ADAMTS18: variants seen among roughly 807,000 people sequenced by gnomAD.
ADAMTS18 encodes ADAM metallopeptidase with thrombospondin type 1 motif 18, also known as A disintegrin and metalloproteinase with thrombospondin motifs 18.
Under a neutral mutation model 165.9 loss-of-function variants are expected in ADAMTS18, and 157 were observed. The ratio of observed to expected loss-of-function variants is 0.95; its 90% CI spans 0.83 to 1.08. The LOEUF (loss-of-function observed/expected upper bound fraction) is 1.08, where lower values mean the gene tolerates loss of function less well. Ranked by LOEUF, ADAMTS18 falls within the 50% of genes least tolerant of loss-of-function variation. The pLI is 0.00. For synonymous variants in ADAMTS18, 782 were observed against 578.2 expected, an observed-to-expected ratio of 1.35 and a Z score of -5.06; for missense variants, 2,040 against 1,534.0, an observed-to-expected ratio of 1.33 and a Z score of -5.51.
intron 3 of ADAMTS18, among the ~76,000 whole-genome samples, chr16:77,375,890 C>CTTTTTCTTT (rs2056943562): frequency 6.4e-5 from 6 of 93,904 alleles, no homozygotes; most frequent in Non-Finnish European, 1.2e-4. Context: ...TCTTTCTTTC[C>CTTTTTCTTT]TTTTTTTTTT....
intron 2 of ADAMTS18, among the ~76,000 whole-genome samples, chr16:77,433,811 A>T (rs1271401998): frequency 6.6e-6 from 1 of 152,166 alleles, no homozygotes; most frequent in African/African-American, 2.4e-5. Flanking sequence ...GGAAGTTAAT[A>T]AATGTCAGAA....
At chr16:77,315,466 G>A (rs1375721266) in intron 16 of ADAMTS18, among the ~76,000 whole-genome samples, 1 of 152,214 alleles carries the variant, frequency 6.6e-6, no homozygotes, top group Non-Finnish European at 1.5e-5. Context: ...CATCCCTGTT[G>A]CCATGAATGA....
intron 2 of ADAMTS18, chr16:77,433,608 G>C (rs1156972349): frequency 6.6e-6 from 1 of 152,192 alleles, no homozygotes; most frequent in African/African-American, 2.4e-5. Flanking sequence ...CCTTCTCCAT[G>C]ACTCCATCCT....
At chr16:77,319,093 C>G (rs965165561) in intron 16 of ADAMTS18, among the ~76,000 whole-genome samples, 1 of 152,050 alleles carries the variant, frequency 6.6e-6, no homozygotes, top group Non-Finnish European at 1.5e-5. Flanking sequence ...TGTGGGGAAG[C>G]TACAAACTAC....
intron 10 of ADAMTS18, among the ~76,000 whole-genome samples, chr16:77,350,415 G>A (rs2056539195): frequency 6.6e-6 from 1 of 152,132 alleles, no homozygotes; most frequent in African/African-American, 2.4e-5. Context: ...ACATAAGGAA[G>A]AGAGTTAGAA....
intron 2 of ADAMTS18, chr16:77,433,417 G>C (rs2057762534): frequency 6.6e-6 from 1 of 152,230 alleles, no homozygotes; most frequent in African/African-American, 2.4e-5. Context: ...GATGGAAGAA[G>C]GGCAGTCAGT....
chr16:77,292,514 G>C (rs1597083387), intron 20 of ADAMTS18, among the ~76,000 whole-genome samples: 2 of 152,258 alleles, frequency 1.3e-5, no homozygotes, highest in South Asian at 2.1e-4. Flanking sequence ...ATGCTCCCTA[G>C]AAAGTCTCTT....
At chr16:77,434,388 CCTT>C (rs1567564206) in intron 2 of ADAMTS18, 27 bp downstream of exon 2, 1 of 1,553,584 alleles carries the variant, frequency 6.4e-7, no homozygotes, top group South Asian at 1.2e-5. Flanking sequence ...TGCGAAAGGC[CCTT>C]CTTGGGGATG....
Position 77,352,880 on chromosome 16 carries a change from T to A in ADAMTS18, c.1614+853A>T, listed in dbSNP as rs59199286. Among the ~76,000 whole-genome samples, 916 of 151,918 alleles carry A rather than the reference T, an allele frequency of 6.0e-3. 12 individuals are homozygous for A. Among genetic ancestry groups the A allele is most frequent in the African/African-American group, 0.021 (866 of 41,416 alleles). ...AATCCCAGCACTTGGGAGGCCGAGGTGGGAGATCACGAGGTCAGGAGATCA... is the reference window on the plus strand; with the variant it reads ...AATCCCAGCACTTGGGAGGCCGAGGAGGGAGATCACGAGGTCAGGAGATCA... On this transcript the variant is annotated intron_variant, in intron 10 of 22. Transcript: ENST00000282849.
intron 3 of ADAMTS18, among the ~76,000 whole-genome samples, chr16:77,422,520 G>C (rs1422340290): frequency 6.7e-6 from 1 of 149,132 alleles, no homozygotes; most frequent in Non-Finnish European, 1.5e-5. Context: ...GAGATGGGGA[G>C]GGAGGGAAGA....
chr16:77,314,253 A>G (rs2055838255), intron 16 of ADAMTS18, among the ~76,000 whole-genome samples: 1 of 152,076 alleles, frequency 6.6e-6, no homozygotes, highest in Non-Finnish European at 1.5e-5. Flanking sequence ...TTTTCTTAAG[A>G]GTTTCAAAAA....
At chr16:77,366,947 G>A (rs1244050460) in intron 4 of ADAMTS18, among the ~76,000 whole-genome samples, 14 of 151,910 alleles carry the variant, frequency 9.2e-5, no homozygotes, top group Middle Eastern at 3.2e-3. Context: ...TTTAAGGCTC[G>A]TGTTACATTT....
intron 6 of ADAMTS18, among the ~76,000 whole-genome samples, chr16:77,363,555 C>T (rs1323290134): frequency 6.7e-6 from 1 of 150,026 alleles, no homozygotes; most frequent in Non-Finnish European, 1.5e-5. Flanking sequence ...TTATTTAGTA[C>T]TTATGTACCA....
chr16:77,428,316 T>C (rs1280028586), intron 3 of ADAMTS18, among the ~76,000 whole-genome samples: 1 of 152,208 alleles, frequency 6.6e-6, no homozygotes, highest in Non-Finnish European at 1.5e-5. Flanking sequence ...TCATCTATGA[T>C]TCTGAATCTA....
At chr16:77,331,131 T>C (rs1428103517) in intron 12 of ADAMTS18, among the ~76,000 whole-genome samples, 1 of 152,214 alleles carries the variant, frequency 6.6e-6, no homozygotes, top group Non-Finnish European at 1.5e-5. Context: ...TGATTAATTA[T>C]TCTATTAGGC....
intron 10 of ADAMTS18, among the ~76,000 whole-genome samples, chr16:77,353,011 C>T (rs1435014586): frequency 3.3e-5 from 5 of 151,954 alleles, no homozygotes; most frequent in African/African-American, 9.7e-5. Context: ...ACCTGGGAGG[C>T]GGAGCTTGCA....
intron 16 of ADAMTS18, among the ~76,000 whole-genome samples, chr16:77,306,096 T>C (rs928498515): frequency 1.3e-5 from 2 of 152,158 alleles, no homozygotes; most frequent in African/African-American, 4.8e-5. Context: ...AGCTGTTAAA[T>C]GCACAAATTT....
intron 3 of ADAMTS18, among the ~76,000 whole-genome samples, chr16:77,413,538 G>C (rs1260599672): frequency 6.6e-6 from 1 of 152,124 alleles, no homozygotes; most frequent in Admixed American, 6.5e-5. Flanking sequence ...ATTTATTTTT[G>C]AATGCCCACT....
chr16:77,339,544 T>C (rs1398136528), intron 11 of ADAMTS18, among the ~76,000 whole-genome samples: 1 of 152,034 alleles, frequency 6.6e-6, no homozygotes, highest in Non-Finnish European at 1.5e-5. Flanking sequence ...TCTCATTCAT[T>C]ATATAAATAT....
Sources: allele counts gnomAD v4.1 joint callset (sites outside exome capture counted in the v4.1 genomes callset), GRCh38; gene constraint gnomAD v4.1.1; transcripts MANE v1.5; gene names NCBI Gene and HGNC (gene_info 2026-07-23, HGNC 2026-07-21).